Variants in DNAH5 observed in about 807,000 individuals in gnomAD.
The protein encoded by DNAH5 is axonemal beta dynein heavy chain 5.
A neutral mutation model predicts 518.2 loss-of-function variants in DNAH5; 372 were observed. That is an observed-to-expected ratio of 0.72 (90% confidence interval 0.66 to 0.78). The LOEUF (loss-of-function observed/expected upper bound fraction) is 0.78. Ranked by LOEUF, DNAH5 falls within the 30% of genes least tolerant of loss-of-function variation. The probability of loss-of-function intolerance (pLI) is 0.00; values close to 1 mark genes in which losing one functional copy is unlikely to be tolerated. For missense variants in DNAH5, 5,523 were observed against 5,687.0 expected (o/e 0.97, Z 0.93); for synonymous variants, 2,039 against 2,025.9 (o/e 1.01, Z -0.17).
chr5:13,962,380 T>G (rs565457087), intron 1 of DNAH5, among the ~76,000 whole-genome samples: 2 of 152,214 alleles, frequency 1.3e-5, no homozygotes, highest in African/African-American at 4.8e-5. Flanking sequence ...AAGTTTCTCA[T>G]AAAACATTCA....
At chr5:13,714,659 C>T (rs751631866) in intron 74 of DNAH5, 39 bp from the exon 75 acceptor site, 3 of 1,596,770 alleles carry the variant, frequency 1.9e-6, no homozygotes, top group Non-Finnish European at 2.6e-6. Flanking sequence ...AGACTGCCAA[C>T]ATAAGCACCG....
intron 64 of DNAH5, among the ~76,000 whole-genome samples, chr5:13,751,640 A>ATAT (rs909716317): frequency 2.4e-4 from 37 of 152,298 alleles, no homozygotes; most frequent in Admixed American, 1.4e-3. Flanking sequence ...TCACTTGATA[A>ATAT]GATTTTGGGA....
chr5:13,734,492 G>A (rs111240550), intron 68 of DNAH5, among the ~76,000 whole-genome samples: 16 of 152,286 alleles, frequency 1.1e-4, no homozygotes, highest in African/African-American at 3.8e-4. Context: ...AGTAGATGCA[G>A]AATAAATCAT....
chr5:13,944,817 G>A (rs1779780517), upstream of DNAH5, among the ~76,000 whole-genome samples: 1 of 152,120 alleles, frequency 6.6e-6, no homozygotes, highest in Admixed American at 6.5e-5. Context: ...TCTATTCACT[G>A]CCCAATAATA....
intron 32 of DNAH5, among the ~76,000 whole-genome samples, chr5:13,843,808 G>A (rs1028635362): frequency 2.6e-5 from 4 of 152,074 alleles, no homozygotes; most frequent in African/African-American, 7.2e-5. Context: ...AAGCCCTCCC[G>A]GACACCCCCA....
intron 35 of DNAH5, among the ~76,000 whole-genome samples, 174 bp from the exon 36 acceptor site, chr5:13,830,949 G>T (rs1763598125): frequency 6.6e-6 from 1 of 152,192 alleles, no homozygotes; most frequent in South Asian, 2.1e-4. Flanking sequence ...GTTAACATAT[G>T]TTGAGGAAAA....
intron 68 of DNAH5, among the ~76,000 whole-genome samples, chr5:13,732,734 A>C (rs929584732): frequency 6.6e-6 from 1 of 152,076 alleles, no homozygotes; most frequent in African/African-American, 2.4e-5. Context: ...ATCACCTCCC[A>C]AAAATCCCTC....
chr5:13,809,912 G>T, intron 45 of DNAH5, 147 bp downstream of exon 45: 1 of 834,458 alleles, frequency 1.2e-6, no homozygotes, highest in South Asian at 1.6e-5. Flanking sequence ...AGAAACCACT[G>T]TTCACTTTCT....
Position 13,901,235 on chromosome 5 carries a change from T to A in DNAH5, c.2052+17A>T, listed in dbSNP as rs369276405. Reference sequence around the variant, plus strand: ...CATGATTCCAACAATGGGAAGAGTATAAATTTAGGGACTCACTTGCCGAAG... The same window carrying A: ...CATGATTCCAACAATGGGAAGAGTAAAAATTTAGGGACTCACTTGCCGAAG... On this transcript the variant is annotated intron_variant, in intron 14 of 78. Coordinates refer to ENST00000265104, the MANE Select transcript of DNAH5 (RefSeq NM_001369.3). 1 of 1,611,038 alleles carries A rather than the reference T, an allele frequency of 6.2e-7. No individual in the cohort carries two copies. Among genetic ancestry groups the A allele is most frequent in the South Asian group, 1.1e-5 (1 of 91,048 alleles).
At chr5:13,906,143 G>A (rs549685833) in intron 12 of DNAH5, among the ~76,000 whole-genome samples, 11 of 152,282 alleles carry the variant, frequency 7.2e-5, no homozygotes, top group African/African-American at 2.6e-4. Flanking sequence ...GGGACTTTTC[G>A]GTAGGAAAAC....
At chr5:13,787,611 G>C in intron 51 of DNAH5, among the ~76,000 whole-genome samples, 1 of 137,648 alleles carries the variant, frequency 7.3e-6, no homozygotes, top group African/African-American at 2.7e-5. Context: ...CCCCCAAAAT[G>C]CAGCAGTTGT....
intron 7 of DNAH5, 46 bp from the exon 8 acceptor site, chr5:13,917,302 G>T: frequency 7.0e-7 from 1 of 1,419,414 alleles, no homozygotes; most frequent in Non-Finnish European, 9.9e-7. Flanking sequence ...TATTAATAGA[G>T]GAACTTCCAA....
intron 65 of DNAH5, among the ~76,000 whole-genome samples, chr5:13,747,045 C>A (rs548796967): frequency 9.9e-5 from 15 of 152,168 alleles, no homozygotes; most frequent in East Asian, 7.7e-4. Flanking sequence ...CCTCTCCCCC[C>A]ACCCCACAAC....
At chr5:13,776,959 G>A (rs181337152) in intron 54 of DNAH5, among the ~76,000 whole-genome samples, 4 of 152,176 alleles carry the variant, frequency 2.6e-5, no homozygotes, top group African/African-American at 9.6e-5. Context: ...TTCTAACTTC[G>A]CTCTTCTGTT....
At chr5:13,926,405 G>C (rs1344766096) in intron 3 of DNAH5, among the ~76,000 whole-genome samples, 5 of 152,156 alleles carry the variant, frequency 3.3e-5, no homozygotes, top group African/African-American at 4.8e-5. Flanking sequence ...CCTGCCTCTG[G>C]CCTCACACAG....
In DNAH5 at chr5:13,718,884, C is replaced by A. The variant is rs765004256; in HGVS notation, c.12497G>T (p.Ser4166Ile). The change falls in exon 72 of 79, where the codon AGT becomes ATT. Residue 4166 changes from serine to isoleucine, a missense_variant and splice_region_variant. By Grantham distance (142) the Ser-to-Ile change is moderately radical (BLOSUM62 -2). Transcript: ENST00000265104. The stretch of plus-strand genomic sequence containing the variant: ...CTCGCAAGTATTTCTGGACTCACCA[C>A]TATATGTTCTTTTCAGTCCTGCCCG... ...GLRAGLKRTY[S>I]GVSQDLLDVS... The A allele has an allele frequency of 6.2e-7, 1 of 1,610,750 alleles. No individual in the cohort carries two copies. The highest frequency in any genetic ancestry group is 2.2e-5 in the East Asian group (1 of 44,864).
At chr5:13,875,315 A>G (rs1047554290) in intron 22 of DNAH5, among the ~76,000 whole-genome samples, 2 of 152,000 alleles carry the variant, frequency 1.3e-5, no homozygotes, top group Non-Finnish European at 1.5e-5. Flanking sequence ...TAAAAATACA[A>G]AATTAGCCCA....
At chr5:13,833,131 CAA>C (rs57578159) in intron 35 of DNAH5, among the ~76,000 whole-genome samples, 33 of 140,220 alleles carry the variant, frequency 2.4e-4, no homozygotes, top group South Asian at 8.9e-4. Flanking sequence ...ATGTGTTATC[CAA>C]AAAAAAAAAA....
chr5:13,858,934 G>A (rs1474982131), intron 30 of DNAH5, among the ~76,000 whole-genome samples: 1 of 152,154 alleles, frequency 6.6e-6, no homozygotes, highest in Non-Finnish European at 1.5e-5. Context: ...TACCCAGTAA[G>A]ATGATTACGA....
Sources: allele counts gnomAD v4.1 joint callset (sites outside exome capture counted in the v4.1 genomes callset), GRCh38; gene constraint gnomAD v4.1.1; transcripts MANE v1.5; gene names NCBI Gene and HGNC (gene_info 2026-07-23, HGNC 2026-07-21).